The following FBXO4 variants were observed in gnomAD, a reference collection of about 807,000 sequenced individuals.
FBXO4 encodes the protein F-box only protein 4.
A neutral mutation model predicts 43.7 loss-of-function variants in FBXO4; 36 were observed. The ratio of observed to expected loss-of-function variants is 0.82; its 90% CI spans 0.63 to 1.09. The LOEUF is 1.09. Ranked by LOEUF, FBXO4 falls within the 50% of genes least tolerant of loss-of-function variation. The pLI, the probability that FBXO4 is intolerant of heterozygous loss-of-function variation, is 0.00. For synonymous variants in FBXO4, 180 were observed against 165.6 expected (o/e 1.09, Z -0.67); for missense variants, 435 against 474.1 (o/e 0.92, Z 0.77).
chr5:41,946,767 A>G, the FBXO4 span, among the ~76,000 whole-genome samples: 1 of 152,242 alleles, frequency 6.6e-6, no homozygotes, highest in African/African-American at 2.4e-5. Flanking sequence ...TATCCATAGC[A>G]TTAAAATTCA....
intron 3 of FBXO4, among the ~76,000 whole-genome samples, chr5:41,930,344 G>T (rs908721641): frequency 3.3e-4 from 51 of 152,284 alleles, no homozygotes; most frequent in African/African-American, 1.2e-3. Flanking sequence ...AGGATAAATA[G>T]TAAATGTAAG....
intron 6 of FBXO4, among the ~76,000 whole-genome samples, chr5:41,939,834 A>ATTTTTTTTT (rs60238550): frequency 3.2e-4 from 25 of 79,322 alleles, no homozygotes; most frequent in Non-Finnish European, 3.8e-4. Context: ...ACAATTGGGG[A>ATTTTTTTTT]TTTTTTTTTT....
chr5:42,005,794 A>G, the FBXO4 span, among the ~76,000 whole-genome samples: 1 of 152,126 alleles, frequency 6.6e-6, no homozygotes, highest in Non-Finnish European at 1.5e-5. Flanking sequence ...TCTATTTAAA[A>G]GAAGCCACAG....
rs751933550 is a variant in FBXO4, at chr5:41,929,720, C to A, written c.449C>A (p.Thr150Lys). 5 of 1,611,762 alleles carry A rather than the reference C, an allele frequency of 3.1e-6. No individual in the cohort carries two copies. In the Admixed American group the frequency reaches 6.7e-5, roughly 22 times the overall value. The change falls in exon 3 of 7, where the codon ACA becomes AAA. Residue 150 changes from threonine to lysine, a missense_variant. Coordinates refer to ENST00000281623, the MANE Select transcript of FBXO4 (RefSeq NM_012176.3). ...MAVYRMCCPYTRRASKSSRPM... is the reference protein window; with the variant it reads ...MAVYRMCCPYKRRASKSSRPM... ...AGCTATAGAATGTGCTGTCCATACA[C>A]AAGAAGAGCTTCAAAATCCAGCCGT...
chr5:41,934,089 G>A (rs772052410), intron 4 of FBXO4, 44 bp from the exon 5 acceptor site: 17 of 1,611,862 alleles, frequency 1.1e-5, no homozygotes, highest in Middle Eastern at 3.3e-4. Flanking sequence ...AGTGGAGCCT[G>A]TTTAGTGTCT....
chr5:42,021,821 A>C, the FBXO4 span, among the ~76,000 whole-genome samples: 2 of 152,112 alleles, frequency 1.3e-5, no homozygotes, highest in African/African-American at 4.8e-5. Context: ...TTTTAAAGAG[A>C]CAGAATGTTG....
chr5:42,020,693 A>C, the FBXO4 span, among the ~76,000 whole-genome samples: 65 of 152,288 alleles, frequency 4.3e-4, no homozygotes, highest in African/African-American at 1.5e-3. Context: ...GGGAGGAAGA[A>C]TGAAATAGAA....
At chr5:42,001,898 C>T in the FBXO4 span, among the ~76,000 whole-genome samples, 1 of 152,028 alleles carries the variant, frequency 6.6e-6, no homozygotes, top group African/African-American at 2.4e-5. Context: ...ACTATGTTGG[C>T]CAGGCTGCTC....
chr5:41,999,505 GTGTATATA>G, the FBXO4 span, among the ~76,000 whole-genome samples: 24 of 63,346 alleles, frequency 3.8e-4, no homozygotes, highest in African/African-American at 1.3e-3. Flanking sequence ...ATATATATAT[GTGTATATA>G]TATATATATA....
the FBXO4 span, among the ~76,000 whole-genome samples, chr5:41,955,239 T>C: frequency 4.6e-5 from 7 of 152,160 alleles, no homozygotes; most frequent in Non-Finnish European, 1.0e-4. Context: ...ATATATCATA[T>C]AGAATCTGGA....
the FBXO4 span, chr5:41,952,107 G>T: frequency 5.5e-6 from 1 of 181,762 alleles, no homozygotes; most frequent in Non-Finnish European, 1.2e-5. Flanking sequence ...GTCAAGGATG[G>T]TGCCACCTGA....
At chr5:42,022,439 GT>G in the FBXO4 span, among the ~76,000 whole-genome samples, 1 of 152,062 alleles carries the variant, frequency 6.6e-6, no homozygotes, top group Non-Finnish European at 1.5e-5. Context: ...CATTCTGCTT[GT>G]ATTAAATAGC....
the FBXO4 span, among the ~76,000 whole-genome samples, chr5:41,982,582 A>ATAAAT: frequency 6.6e-6 from 1 of 151,836 alleles, no homozygotes; most frequent in Non-Finnish European, 1.5e-5. Flanking sequence ...CTAACATTGA[A>ATAAAT]AAAAAATTAT....
At chr5:42,004,742 A>C in the FBXO4 span, among the ~76,000 whole-genome samples, 338 of 152,306 alleles carry the variant, frequency 2.2e-3, 8 homozygotes, top group East Asian at 0.04. Context: ...GGATAAAAAA[A>C]ACAAACCACA....
At chr5:41,955,844 G>A in the FBXO4 span, among the ~76,000 whole-genome samples, 1 of 152,102 alleles carries the variant, frequency 6.6e-6, no homozygotes, top group Non-Finnish European at 1.5e-5. Flanking sequence ...CAACCAGCAT[G>A]GGAAATTTCA....
At chr5:42,030,306 G>A in the FBXO4 span, among the ~76,000 whole-genome samples, 1 of 151,864 alleles carries the variant, frequency 6.6e-6, no homozygotes, top group Non-Finnish European at 1.5e-5. Context: ...AATGCTGCAT[G>A]TCTACAACCA....
the FBXO4 span, among the ~76,000 whole-genome samples, chr5:41,998,991 C>T: frequency 6.6e-6 from 1 of 151,318 alleles, no homozygotes; most frequent in East Asian, 1.9e-4. Context: ...AGCCAACCAG[C>T]TTCATTACGT....
the FBXO4 span, among the ~76,000 whole-genome samples, chr5:41,989,182 C>T: frequency 3.9e-4 from 59 of 152,158 alleles, 2 homozygotes; most frequent in South Asian, 5.6e-3. Context: ...TCCAGTTTGC[C>T]TTAGCAGGGT....
At chr5:41,926,090 T>TG (rs1450038593) in intron 1 of FBXO4, among the ~76,000 whole-genome samples, 1 of 152,220 alleles carries the variant, frequency 6.6e-6, no homozygotes, top group Non-Finnish European at 1.5e-5. Flanking sequence ...TGTTAAACTT[T>TG]GGGGTAGATA....
Sources: allele counts gnomAD v4.1 joint callset (sites outside exome capture counted in the v4.1 genomes callset), GRCh38; gene constraint gnomAD v4.1.1; transcripts MANE v1.5; gene names NCBI Gene and HGNC (gene_info 2026-07-23, HGNC 2026-07-21).